The following EHBP1 variants were observed in gnomAD, a reference collection of about 807,000 sequenced individuals.
The protein encoded by EHBP1 is EH domain-binding protein 1.
A neutral mutation model predicts 144.0 loss-of-function variants in EHBP1; 55 were observed. The ratio of observed to expected loss-of-function variants is 0.38; its 90% CI spans 0.31 to 0.48. The LOEUF is 0.48. EHBP1 is among the 20% of genes least tolerant of loss of function. EHBP1 has a pLI of 0.98. For synonymous variants in EHBP1, 469 were observed against 472.7 expected, an observed-to-expected ratio of 0.99 and a Z score of 0.10; for missense variants, 1,200 against 1,364.2, an observed-to-expected ratio of 0.88 and a Z score of 1.90.
intron 10 of EHBP1, among the ~76,000 whole-genome samples, chr2:62,886,632 A>T (rs1209157213): frequency 6.6e-6 from 1 of 152,224 alleles, no homozygotes; most frequent in Non-Finnish European, 1.5e-5. Context: ...CAAAGAATAC[A>T]AGCTTGGCTT....
At chr2:62,934,679 A>G (rs866799755) in intron 10 of EHBP1, among the ~76,000 whole-genome samples, 18 of 152,180 alleles carry the variant, frequency 1.2e-4, no homozygotes, top group African/African-American at 4.1e-4. Flanking sequence ...CATACACACA[A>G]CTGTCAGATT....
chr2:62,682,156 G>A (rs1339897595), intron 1 of EHBP1, among the ~76,000 whole-genome samples: 1 of 152,212 alleles, frequency 6.6e-6, no homozygotes, highest in Non-Finnish European at 1.5e-5. Context: ...GGATGTGGAG[G>A]ACATGCCTAC....
At chr2:62,828,735 TTAAACTC>T (rs2046535770) in intron 6 of EHBP1, among the ~76,000 whole-genome samples, 1 of 152,226 alleles carries the variant, frequency 6.6e-6, no homozygotes, top group African/African-American at 2.4e-5. Context: ...GTTTGAATAT[TTAAACTC>T]TAGATCTTAT....
At chr2:63,001,768 T>G (rs985911018) in intron 19 of EHBP1, among the ~76,000 whole-genome samples, 5 of 152,180 alleles carry the variant, frequency 3.3e-5, no homozygotes, top group African/African-American at 1.2e-4. Flanking sequence ...TTAGACCCAG[T>G]CTGATGGCTC....
Position 62,859,220 on chromosome 2 carries a change from C to T in EHBP1, c.686C>T (p.Thr229Ile), listed in dbSNP as rs764809104. 18 of 1,611,746 alleles carry T rather than the reference C, an allele frequency of 1.1e-5. No homozygotes were observed. The highest frequency in any genetic ancestry group is 6.6e-5 in the South Asian group (6 of 90,686). Residue 229 changes from threonine (T) to isoleucine (I), a missense_variant, in exon 8 of 23, where the codon ACC (threonine) becomes ATC (isoleucine). Thr to Ile is a moderately conservative substitution (Grantham distance 89). Coordinates refer to ENST00000431489, the MANE Select transcript of EHBP1 (RefSeq NM_001142616.3). The part of the protein sequence containing the change: ...FLDEAEKDLA[T>I]VNSNPFDDPD... ...GATGAAGCAGAAAAGGACTTGGCCA[C>T]CGTGAATTCAAATCCATTTGATGAT...
intron 10 of EHBP1, among the ~76,000 whole-genome samples, chr2:62,894,662 A>T (rs888088797): frequency 1.3e-5 from 2 of 152,188 alleles, no homozygotes; most frequent in African/African-American, 4.8e-5. Context: ...TGAATATTTT[A>T]TATATGATTG....
chr2:62,703,885 A>T (rs2034353592), upstream of EHBP1, among the ~76,000 whole-genome samples: 1 of 152,248 alleles, frequency 6.6e-6, no homozygotes, highest in Non-Finnish European at 1.5e-5. Flanking sequence ...AAAAGAAACC[A>T]GAATGACCAC....
intron 10 of EHBP1, among the ~76,000 whole-genome samples, chr2:62,936,665 T>C (rs2056407140): frequency 6.6e-6 from 1 of 151,922 alleles, no homozygotes; most frequent in South Asian, 2.1e-4. Flanking sequence ...AGTTGGTTGA[T>C]GTTTTGTAGA....
At chr2:62,879,313 A>G (rs2051164056) in intron 10 of EHBP1, among the ~76,000 whole-genome samples, 1 of 152,174 alleles carries the variant, frequency 6.6e-6, no homozygotes, top group Admixed American at 6.5e-5. Flanking sequence ...AGAGAAAGAA[A>G]TAGAAACAAT....
At position 62,889,251 on chromosome 2, in the gene EHBP1, T is replaced by G. The variant is rs180793295; in HGVS notation, c.1185+14719T>G. The stretch of plus-strand genomic sequence containing the variant: ...GTTTGGTGTTTTTGTGTGTGTGTGT[T>G]TTTTTTTTGTAAATTTGTTTAAATT... On this transcript the variant is annotated intron_variant, in intron 10 of 22. Transcript: ENST00000431489. 2.2e-3 allele frequency among the ~76,000 whole-genome samples: 321 copies of G among 147,756 alleles called. 2 individuals carry two copies. Among genetic ancestry groups the G allele is most frequent in the East Asian group, 9.0e-3 (46 of 5,128 alleles).
chr2:62,698,237 G>T (rs2034166842), intron 1 of EHBP1, among the ~76,000 whole-genome samples: 1 of 152,192 alleles, frequency 6.6e-6, no homozygotes, highest in African/African-American at 2.4e-5. Flanking sequence ...ATCAAGTTGT[G>T]ACCTTTAAAT....
intron 5 of EHBP1, among the ~76,000 whole-genome samples, chr2:62,792,736 C>T (rs1396764733): frequency 1.3e-5 from 2 of 151,930 alleles, no homozygotes; most frequent in Non-Finnish European, 2.9e-5. Flanking sequence ...ATAAATACCC[C>T]AATAAATGGG....
chr2:62,792,439 C>CT (rs990344941), intron 5 of EHBP1, among the ~76,000 whole-genome samples: 5 of 151,934 alleles, frequency 3.3e-5, no homozygotes, highest in African/African-American at 1.2e-4. Flanking sequence ...AACATCTTGT[C>CT]TTTTTTGTTT....
At chr2:62,928,283 G>C (rs1187990388) in intron 10 of EHBP1, among the ~76,000 whole-genome samples, 1 of 152,216 alleles carries the variant, frequency 6.6e-6, no homozygotes, top group East Asian at 1.9e-4. Flanking sequence ...GTGCTAACCC[G>C]ATGGCCTAGC....
At chr2:62,911,926 T>C (rs1040891105) in intron 10 of EHBP1, among the ~76,000 whole-genome samples, 23 of 152,318 alleles carry the variant, frequency 1.5e-4, no homozygotes, top group African/African-American at 5.5e-4. Flanking sequence ...GAGAATACTT[T>C]AAACGAATCT....
chr2:63,000,087 A>G (rs1373629902), intron 19 of EHBP1, among the ~76,000 whole-genome samples: 1 of 152,174 alleles, frequency 6.6e-6, no homozygotes, highest in Non-Finnish European at 1.5e-5. Context: ...AGCTACTTAC[A>G]TCCTGGGGGG....
chr2:62,806,974 A>G (rs2044557594), intron 5 of EHBP1, among the ~76,000 whole-genome samples: 1 of 152,182 alleles, frequency 6.6e-6, no homozygotes, highest in Non-Finnish European at 1.5e-5. Context: ...GATTGGTTCC[A>G]GGACCCCCTG....
At chr2:62,899,224 A>C (rs2053199537) in intron 10 of EHBP1, among the ~76,000 whole-genome samples, 1 of 152,180 alleles carries the variant, frequency 6.6e-6, no homozygotes, top group South Asian at 2.1e-4. Context: ...GTCTTCCCTA[A>C]ATTCAGGACA....
chr2:62,969,154 A>G (rs1180372519), intron 14 of EHBP1, among the ~76,000 whole-genome samples: 1 of 152,202 alleles, frequency 6.6e-6, no homozygotes, highest in Non-Finnish European at 1.5e-5. Flanking sequence ...GTTTTCAGAA[A>G]CACAAAATAA....
Sources: gnomAD v4.1 joint callset for allele counts (sites outside exome capture counted in the v4.1 genomes callset) on GRCh38, gnomAD v4.1.1 for gene constraint, MANE v1.5 for transcripts, NCBI Gene and HGNC (gene_info 2026-07-23, HGNC 2026-07-21) for gene names.